Variants in TOGARAM1 observed in about 807,000 individuals in gnomAD.
The protein encoded by TOGARAM1 is TOG array regulator of axonemal microtubules 1.
TOGARAM1 carries 100 observed loss-of-function variants against 166.6 expected under a neutral mutation model. The ratio of observed to expected loss-of-function variants is 0.60; its 90% CI spans 0.51 to 0.71. TOGARAM1 has a LOEUF of 0.71. TOGARAM1 is among the 30% of genes least tolerant of loss of function. The pLI is 0.00. For synonymous variants in TOGARAM1, 758 were observed against 763.8 expected, an observed-to-expected ratio of 0.99 and a Z score of 0.13; for missense variants, 2,029 against 2,102.7, an observed-to-expected ratio of 0.96 and a Z score of 0.69.
intron 11 of TOGARAM1, among the ~76,000 whole-genome samples, chr14:45,035,946 TAGAAAAAAAAAAAAAA>T (rs893607257): frequency 1.9e-4 from 25 of 129,948 alleles, no homozygotes; most frequent in Non-Finnish European, 3.5e-4. Context: ...ACCTCATCTC[TAGAAAAAAAAAAAAAA>T]AGAAAGAAAA....
intron 8 of TOGARAM1, among the ~76,000 whole-genome samples, chr14:45,027,051 C>T (rs919234440): frequency 1.3e-5 from 2 of 152,054 alleles, no homozygotes; most frequent in Non-Finnish European, 2.9e-5. Context: ...TCACAGCAAC[C>T]TTTTCTTTAT....
chr14:44,966,751 C>T (rs1259302174), intron 1 of TOGARAM1, among the ~76,000 whole-genome samples: 1 of 151,566 alleles, frequency 6.6e-6, no homozygotes, highest in Non-Finnish European at 1.5e-5. Context: ...GCCAGGAGTT[C>T]GAGACCAGCC....
At chr14:45,052,279 A>G (rs1392549344) in intron 14 of TOGARAM1, among the ~76,000 whole-genome samples, 157 bp from the exon 15 acceptor site, 1 of 152,174 alleles carries the variant, frequency 6.6e-6, no homozygotes, top group Non-Finnish European at 1.5e-5. Context: ...TATCCTATAC[A>G]GTTAGGATAT....
chr14:45,071,633 C>A, intron 18 of TOGARAM1, 79 bp from the exon 19 acceptor site: 1 of 838,514 alleles, frequency 1.2e-6, no homozygotes, highest in Non-Finnish European at 1.8e-6. Flanking sequence ...TTTTTTTTTT[C>A]TTTTCAATGC....
chr14:45,048,245 G>T (rs191547135), intron 14 of TOGARAM1, among the ~76,000 whole-genome samples: 2,760 of 149,348 alleles, frequency 0.018, 31 homozygotes, highest in African/African-American at 0.037. Context: ...CCAGCTACTC[G>T]GGAGGCTGAG....
At position 44,963,482 on chromosome 14, in the gene TOGARAM1, A is replaced by C; in HGVS notation, c.1061A>C (p.Glu354Ala). The change falls in exon 1 of 20, where the codon GAG becomes GCG. Residue 354 changes from glutamate to alanine, a missense_variant. Glu to Ala is a moderately radical substitution (Grantham distance 107, BLOSUM62 -1). Coordinates refer to ENST00000361462, the MANE Select transcript of TOGARAM1 (RefSeq NM_001308120.2). ...CTTAAATTTGGGATTATTCCTCAGG[A>C]GCTGCATTCACGATTATTGGATCAG... ...SNLKFGIIPQ[E>A]LHSRLLDQED... 6.2e-7 allele frequency: 1 copy of C among 1,614,186 alleles called. No individual in the cohort carries two copies. Among genetic ancestry groups the C allele is most frequent in the Non-Finnish European group, 8.5e-7 (1 of 1,180,038 alleles).
Position 45,073,253 on chromosome 14 carries a change from T to C in TOGARAM1, c.5057-43T>C. 3 of 1,555,662 alleles carry C rather than the reference T, an allele frequency of 1.9e-6. 1 individual carries two copies. In the South Asian group the frequency reaches 3.6e-5, roughly 19 times the overall value. ...TTTTATTTAGCAGAGCTTGGGCTTA[T>C]TTATTAAGAAAAAACCCTGTTTTTT... On this transcript the variant is annotated intron_variant, in intron 19 of 19. Coordinates refer to ENST00000361462, the MANE Select transcript of TOGARAM1 (RefSeq NM_001308120.2).
intron 11 of TOGARAM1, among the ~76,000 whole-genome samples, chr14:45,043,231 G>C (rs1881816965): frequency 6.6e-6 from 1 of 151,746 alleles, no homozygotes; most frequent in Non-Finnish European, 1.5e-5. Flanking sequence ...AGGCTGGAGT[G>C]CAGTGGTGCG....
chr14:45,065,037 AG>A (rs1240598007), intron 16 of TOGARAM1, among the ~76,000 whole-genome samples: 1 of 152,292 alleles, frequency 6.6e-6, no homozygotes, highest in East Asian at 1.9e-4. Context: ...AAATAGTATT[AG>A]ACCACTTTAA....
At position 45,054,749 on chromosome 14, in the gene TOGARAM1, C is replaced by G. The variant is rs370232038; in HGVS notation, c.4559+200C>G. On this transcript the variant is annotated intron_variant, in intron 16 of 19. Transcript: ENST00000361462. Reference sequence around the variant, plus strand: ...TTACAGCAACTTGCTTTTATTTGCACTGGACATTAGCAATGCTTTAGTGTT... The same window carrying G: ...TTACAGCAACTTGCTTTTATTTGCAGTGGACATTAGCAATGCTTTAGTGTT... 4.6e-5 allele frequency among the ~76,000 whole-genome samples: 7 copies of G among 152,264 alleles called. No individual in the cohort carries two copies. The East Asian group carries it at 1.4e-3, about 29-fold the overall frequency.
At chr14:44,976,824 T>G (rs1886219580) in intron 1 of TOGARAM1, among the ~76,000 whole-genome samples, 1 of 152,234 alleles carries the variant, frequency 6.6e-6, no homozygotes, top group African/African-American at 2.4e-5. Flanking sequence ...AGTGCTTCTT[T>G]GGTCCTATAT....
rs144128675 is a variant in TOGARAM1, at chr14:44,985,314, T to A, written c.2047-10432T>A. 3.1e-3 allele frequency among the ~76,000 whole-genome samples: 475 copies of A among 152,280 alleles called. 2 individuals carry two copies. Among genetic ancestry groups the A allele is most frequent in the African/African-American group, 0.011 (459 of 41,552 alleles). On this transcript the variant is annotated intron_variant, in intron 1 of 19. Transcript: ENST00000361462. ...AGGCGTGAGCCATTGTGCCTGGCTT[T>A]CAGATCCTTTTTAAGCGGCAAAAAT...
intron 1 of TOGARAM1, among the ~76,000 whole-genome samples, chr14:44,978,774 T>A (rs1198701915): frequency 1.3e-5 from 2 of 150,198 alleles, no homozygotes; most frequent in African/African-American, 4.9e-5. Flanking sequence ...CACACTAGCC[T>A]GGGAGACAAA....
At chr14:45,028,034 T>A in intron 9 of TOGARAM1, 142 bp from the exon 10 acceptor site, 1 of 561,648 alleles carries the variant, frequency 1.8e-6, no homozygotes, top group Non-Finnish European at 3.1e-6. Flanking sequence ...TACATATATA[T>A]GTATGGGTAT....
At chr14:44,980,573 C>T (rs1886474557) in intron 1 of TOGARAM1, among the ~76,000 whole-genome samples, 1 of 152,066 alleles carries the variant, frequency 6.6e-6, no homozygotes, top group South Asian at 2.1e-4. Flanking sequence ...CCCAGCTACC[C>T]AGGAGGCTGA....
chr14:45,058,359 A>T (rs971908081), intron 16 of TOGARAM1, among the ~76,000 whole-genome samples: 4 of 151,626 alleles, frequency 2.6e-5, no homozygotes, highest in East Asian at 1.9e-4. Flanking sequence ...CAGTGGCACA[A>T]TCTCAGTTCA....
intron 7 of TOGARAM1, among the ~76,000 whole-genome samples, chr14:45,023,336 C>T (rs1359185236): frequency 4.6e-5 from 7 of 152,118 alleles, no homozygotes; most frequent in Non-Finnish European, 1.0e-4. Context: ...GCAGCACTGG[C>T]CCTTCAAGTA....
chr14:45,006,631 G>T (rs1407772667), intron 5 of TOGARAM1: 1 of 156,838 alleles, frequency 6.4e-6, no homozygotes, highest in Admixed American at 6.3e-5. Context: ...ATGAAACATA[G>T]CATAGTTCTC....
At chr14:45,052,157 T>A (rs1882402514) in intron 14 of TOGARAM1, among the ~76,000 whole-genome samples, 1 of 152,132 alleles carries the variant, frequency 6.6e-6, no homozygotes, top group Admixed American at 6.5e-5. Flanking sequence ...ATGGAAAAAG[T>A]CAAAATTCAA....
Sources: gnomAD v4.1 joint callset for allele counts (sites outside exome capture counted in the v4.1 genomes callset) on GRCh38, gnomAD v4.1.1 for gene constraint, MANE v1.5 for transcripts, NCBI Gene and HGNC (gene_info 2026-07-23, HGNC 2026-07-21) for gene names.